ATP9B: variants seen among roughly 807,000 people sequenced by gnomAD.
ATP9B encodes ATPase phospholipid transporting 9B, also known as probable phospholipid-transporting ATPase IIB.
ATP9B carries 110 observed loss-of-function variants against 146.1 expected under a neutral mutation model. The ratio of observed to expected loss-of-function variants is 0.75; its 90% CI spans 0.65 to 0.88. The LOEUF (loss-of-function observed/expected upper bound fraction) is 0.88, where lower values mean the gene tolerates loss of function less well. Ranked by LOEUF, ATP9B falls within the 40% of genes least tolerant of loss-of-function variation. ATP9B has a pLI of 0.00. For missense variants in ATP9B, 1,499 were observed against 1,496.4 expected (o/e 1.00, Z -0.03); for synonymous variants, 604 against 569.7 (o/e 1.06, Z -0.86).
intron 5 of ATP9B, among the ~76,000 whole-genome samples, chr18:79,130,289 G>C (rs1389671391): frequency 6.6e-6 from 1 of 152,150 alleles, no homozygotes; most frequent in African/African-American, 2.4e-5. Flanking sequence ...AACAAATTCT[G>C]GCACTGAAAA....
At chr18:79,231,371 A>G (rs1599111286) in intron 11 of ATP9B, among the ~76,000 whole-genome samples, 1 of 152,200 alleles carries the variant, frequency 6.6e-6, no homozygotes, top group South Asian at 2.1e-4. Flanking sequence ...AGGTATACAA[A>G]TGGCCAACAA....
chr18:79,169,180 C>T (rs1169699608), intron 7 of ATP9B, among the ~76,000 whole-genome samples: 6 of 152,066 alleles, frequency 3.9e-5, no homozygotes, highest in Non-Finnish European at 7.4e-5. Context: ...TGGGACTTTC[C>T]GTATCTTCCA....
In ATP9B at chr18:79,072,851, G is replaced by T. The variant is rs2072065892; in HGVS notation, c.119+3322G>T. On this transcript the variant is annotated intron_variant, in intron 1 of 29. Coordinates refer to ENST00000426216, the MANE Select transcript of ATP9B (RefSeq NM_198531.5). ...ACCTCTCAGATGGGGCGGCCGGGCA[G>T]AGGCGCTCCTCAGTTCCCAGACAGG... Among the ~76,000 whole-genome samples the T allele has an allele frequency of 1.3e-5, 2 of 151,944 alleles. 1 individual carries two copies. Among genetic ancestry groups the T allele is most frequent in the South Asian group, 4.2e-4 (2 of 4,798 alleles).
intron 8 of ATP9B, among the ~76,000 whole-genome samples, chr18:79,188,248 A>G (rs1160154794): frequency 6.6e-6 from 1 of 152,216 alleles, no homozygotes; most frequent in Admixed American, 6.5e-5. Context: ...AAAAAGGATC[A>G]TGTGGAAAAT....
chr18:79,116,804 G>T (rs1212942417), intron 4 of ATP9B, among the ~76,000 whole-genome samples: 1 of 97,558 alleles, frequency 1.0e-5, no homozygotes. Flanking sequence ...GATAGCATTG[G>T]GAGATATACC....
intron 12 of ATP9B, among the ~76,000 whole-genome samples, chr18:79,259,302 G>A (rs531608059): frequency 1.3e-5 from 2 of 152,284 alleles, no homozygotes; most frequent in South Asian, 2.1e-4. Flanking sequence ...GTTCTCTGAG[G>A]TCAGGGACTT....
chr18:79,316,148 C>T (rs181379879), intron 15 of ATP9B, among the ~76,000 whole-genome samples: 3 of 152,206 alleles, frequency 2.0e-5, no homozygotes, highest in African/African-American at 7.2e-5. Context: ...CGGACACAAT[C>T]GCTTTGAAAG....
chr18:79,221,185 C>T lies in ATP9B; in HGVS notation c.1107+7147C>T, dbSNP rs140828913. On this transcript the variant is annotated intron_variant, in intron 11 of 29. Coordinates refer to ENST00000426216, the MANE Select transcript of ATP9B (RefSeq NM_198531.5). ...ACCTGTTGTTAACCATGTGCAAGTC[C>T]CAGTGCTCCCTGTTGGTCTTCAGCC... 2.5e-3 allele frequency among the ~76,000 whole-genome samples: 375 copies of T among 152,266 alleles called. 2 individuals carry two copies. Among genetic ancestry groups the T allele is most frequent in the South Asian group, 6.0e-3 (29 of 4,822 alleles).
At chr18:79,369,927 C>T (rs903586981) in intron 26 of ATP9B, among the ~76,000 whole-genome samples, 1 of 152,080 alleles carries the variant, frequency 6.6e-6, no homozygotes, top group Non-Finnish European at 1.5e-5. Flanking sequence ...GGCAAAAGCC[C>T]ATCTCTACTA....
At chr18:79,119,417 A>AT (rs2094150751) in intron 4 of ATP9B, among the ~76,000 whole-genome samples, 1 of 152,128 alleles carries the variant, frequency 6.6e-6, no homozygotes, top group African/African-American at 2.4e-5. Flanking sequence ...TCCAGCTGCA[A>AT]TTTTTAGTCC....
intron 1 of ATP9B, among the ~76,000 whole-genome samples, chr18:79,082,504 C>T (rs2073373543): frequency 6.6e-6 from 1 of 152,222 alleles, no homozygotes; most frequent in Non-Finnish European, 1.5e-5. Context: ...TAGGAATTAT[C>T]AGCCTTTTTG....
At position 79,209,645 on chromosome 18, in the gene ATP9B, A is replaced by G. The variant is rs1004628773; in HGVS notation, c.1030+2633A>G. 7 of 985,378 alleles carry G rather than the reference A, an allele frequency of 7.1e-6. No individual in the cohort carries two copies. The South Asian group carries it at 1.4e-4, about 20-fold the overall frequency. 61.0% of individuals were successfully genotyped at this position (985,378 alleles called of 1,614,324 possible). On this transcript the variant is annotated intron_variant, in intron 10 of 29. Coordinates refer to ENST00000426216, the MANE Select transcript of ATP9B (RefSeq NM_198531.5). Reference sequence around the variant, plus strand: ...TCCTGTCCATTCTGTTCTCTTTGCCATCTAGCATTCAGTGTTGTGTCTTCC... The same window carrying G: ...TCCTGTCCATTCTGTTCTCTTTGCCGTCTAGCATTCAGTGTTGTGTCTTCC...
intron 14 of ATP9B, among the ~76,000 whole-genome samples, chr18:79,304,474 C>T (rs2146495075): frequency 6.6e-6 from 1 of 152,262 alleles, no homozygotes; most frequent in South Asian, 2.1e-4. Context: ...TCTGAACATC[C>T]CTTTGAGCAT....
intron 7 of ATP9B, among the ~76,000 whole-genome samples, chr18:79,160,783 C>G (rs944065734): frequency 2.0e-5 from 3 of 149,898 alleles, no homozygotes; most frequent in Admixed American, 6.6e-5. Flanking sequence ...TTTGTTTTTT[C>G]TCTTTTTGGA....
At chr18:79,278,502 C>T (rs948254470) in intron 13 of ATP9B, among the ~76,000 whole-genome samples, 19 of 152,120 alleles carry the variant, frequency 1.2e-4, no homozygotes, top group African/African-American at 4.1e-4. Flanking sequence ...CCATGGTATT[C>T]GGAAGGTGAG....
At chr18:79,325,348 A>G (rs754443086) in intron 15 of ATP9B, among the ~76,000 whole-genome samples, 4 of 152,192 alleles carry the variant, frequency 2.6e-5, no homozygotes, top group Non-Finnish European at 5.9e-5. Flanking sequence ...GTAGGATAGT[A>G]GTTACAGTTT....
rs1315208071 is a variant in ATP9B, at chr18:79,377,292, C to T, written c.3353C>T (p.Ala1118Val). The change falls in exon 30 of 30, where the codon GCG becomes GTG. Residue 1118 changes from alanine (A) to valine (V), a missense_variant. Ala to Val is a moderately conservative substitution (Grantham distance 64). Coordinates refer to ENST00000426216, the MANE Select transcript of ATP9B (RefSeq NM_198531.5). ...GTGACCTTCCTGTGGAAAGTGTCGG[C>T]GATCACCGTGGTCAGCTGCCTCCCG... ...TTVTFLWKVS[A>V]ITVVSCLPLY... 8 of 1,612,478 alleles carry T rather than the reference C, an allele frequency of 5.0e-6. No homozygotes were observed. The highest frequency in any genetic ancestry group is 6.8e-6 in the Non-Finnish European group (8 of 1,180,014).
At chr18:79,213,224 G>C (rs955724313) in intron 10 of ATP9B, among the ~76,000 whole-genome samples, 6 of 152,082 alleles carry the variant, frequency 3.9e-5, no homozygotes, top group Non-Finnish European at 5.9e-5. Flanking sequence ...AATTAAGGAT[G>C]AAAATTAGGA....
At chr18:79,283,720 A>G (rs953164867) in intron 13 of ATP9B, among the ~76,000 whole-genome samples, 1 of 152,230 alleles carries the variant, frequency 6.6e-6, no homozygotes. Context: ...GCAAGGATGC[A>G]GAGCATATTG....
Sources: allele counts gnomAD v4.1 joint callset (sites outside exome capture counted in the v4.1 genomes callset), GRCh38; gene constraint gnomAD v4.1.1; transcripts MANE v1.5; gene names NCBI Gene and HGNC (gene_info 2026-07-23, HGNC 2026-07-21).